OSBPL8: variants seen among roughly 807,000 people sequenced by gnomAD.
OSBPL8 encodes the protein oxysterol-binding protein-related protein 8.
In OSBPL8, 59 loss-of-function variants were observed where a neutral mutation model predicts 125.5. That is an observed-to-expected ratio of 0.47 (90% CI 0.38 to 0.58). The LOEUF (loss-of-function observed/expected upper bound fraction) is 0.58, where lower values mean the gene tolerates loss of function less well. OSBPL8 is among the 20% of genes least tolerant of loss of function. The pLI, the probability that OSBPL8 is intolerant of heterozygous loss-of-function variation, is 0.00. For synonymous variants in OSBPL8, 330 were observed against 338.9 expected (o/e 0.97, Z 0.29); for missense variants, 758 against 1,047.8 (o/e 0.72, Z 3.82).
At chr12:76,405,229 C>T (rs956321153) in intron 5 of OSBPL8, among the ~76,000 whole-genome samples, 7 of 151,962 alleles carry the variant, frequency 4.6e-5, no homozygotes, top group Admixed American at 3.9e-4. Flanking sequence ...GAGGCTAAGG[C>T]GGGAGGATTG....
chr12:76,471,840 C>T (rs910838198), intron 2 of OSBPL8, among the ~76,000 whole-genome samples: 1 of 152,236 alleles, frequency 6.6e-6, no homozygotes, highest in Non-Finnish European at 1.5e-5. Flanking sequence ...TTACTTGTTA[C>T]TCTCACAGCT....
At chr12:76,469,448 T>A (rs1400684458) in intron 2 of OSBPL8, among the ~76,000 whole-genome samples, 2 of 152,188 alleles carry the variant, frequency 1.3e-5, no homozygotes, top group Non-Finnish European at 2.9e-5. Flanking sequence ...GCTCCATGTG[T>A]TCCTAGCAAC....
intron 4 of OSBPL8, among the ~76,000 whole-genome samples, chr12:76,430,307 G>A (rs930620410): frequency 6.6e-6 from 1 of 152,098 alleles, no homozygotes; most frequent in Non-Finnish European, 1.5e-5. Context: ...CAGGTAACAG[G>A]CTCACCAATA....
chr12:76,548,584 C>T (rs188097632), intron 1 of OSBPL8, among the ~76,000 whole-genome samples: 14 of 152,210 alleles, frequency 9.2e-5, no homozygotes, highest in Non-Finnish European at 1.6e-4. Context: ...GAAAGCTAAG[C>T]GGAGGTGTGG....
intron 4 of OSBPL8, among the ~76,000 whole-genome samples, chr12:76,418,499 A>AC (rs1416147448): frequency 2.0e-5 from 3 of 152,096 alleles, no homozygotes; most frequent in Non-Finnish European, 2.9e-5. Context: ...ATCCAGGCTG[A>AC]CTTCCACATT....
chr12:76,499,304 CTCTATCTA>C (rs1555231510), intron 1 of OSBPL8, among the ~76,000 whole-genome samples: 55 of 128,088 alleles, frequency 4.3e-4, no homozygotes, highest in South Asian at 8.2e-4. Flanking sequence ...ACTTAATAAA[CTCTATCTA>C]TCTATCTATC....
intron 12 of OSBPL8, among the ~76,000 whole-genome samples, chr12:76,388,297 G>A (rs2136282310): frequency 6.6e-6 from 1 of 152,276 alleles, no homozygotes; most frequent in East Asian, 1.9e-4. Context: ...ATCAAATGAT[G>A]AATGCATCTA....
chr12:76,437,150 G>A (rs1871557671), intron 4 of OSBPL8, among the ~76,000 whole-genome samples: 1 of 152,130 alleles, frequency 6.6e-6, no homozygotes, highest in African/African-American at 2.4e-5. Flanking sequence ...ATGCGTGAGA[G>A]TATTCCTAGA....
At chr12:76,418,620 C>G (rs1264282392) in intron 4 of OSBPL8, among the ~76,000 whole-genome samples, 1 of 152,094 alleles carries the variant, frequency 6.6e-6, no homozygotes, top group Non-Finnish European at 1.5e-5. Flanking sequence ...CACTTGAAGT[C>G]AGGAGTTCGA....
At chr12:76,444,220 C>A (rs960685591) in intron 4 of OSBPL8, among the ~76,000 whole-genome samples, 1 of 152,104 alleles carries the variant, frequency 6.6e-6, no homozygotes. Flanking sequence ...AGATGAAATT[C>A]TTAAATTGAT....
At chr12:76,545,362 G>A (rs4761425) in intron 1 of OSBPL8, among the ~76,000 whole-genome samples, 121,056 of 152,056 alleles carry the variant, frequency 0.8, 48,421 homozygotes, top group East Asian at 0.92. Flanking sequence ...AAGATACTAG[G>A]AAAAAATTAA....
chr12:76,378,643 C>G, intron 15 of OSBPL8, 93 bp from the exon 16 acceptor site: 1 of 832,740 alleles, frequency 1.2e-6, no homozygotes, highest in Non-Finnish European at 1.9e-6. Flanking sequence ...CAGACATCTA[C>G]AGTAGAAAGT....
intron 19 of OSBPL8, among the ~76,000 whole-genome samples, chr12:76,370,196 C>A (rs966914062): frequency 6.6e-6 from 1 of 152,186 alleles, no homozygotes; most frequent in Non-Finnish European, 1.5e-5. Context: ...TTAAGATTCA[C>A]TGGCTTCATA....
At chr12:76,480,642 G>A (rs1434144174) in intron 2 of OSBPL8, among the ~76,000 whole-genome samples, 1 of 152,174 alleles carries the variant, frequency 6.6e-6, no homozygotes, top group Non-Finnish European at 1.5e-5. Context: ...TACATAAGGA[G>A]ATCCCTGCAA....
At chr12:76,531,263 A>G (rs1385250305) in intron 1 of OSBPL8, among the ~76,000 whole-genome samples, 1 of 152,224 alleles carries the variant, frequency 6.6e-6, no homozygotes, top group East Asian at 1.9e-4. Context: ...ACTTAGCATC[A>G]TAAAACAAGC....
intron 4 of OSBPL8, among the ~76,000 whole-genome samples, chr12:76,418,876 A>G (rs911821507): frequency 6.6e-6 from 1 of 152,068 alleles, no homozygotes; most frequent in African/African-American, 2.4e-5. Context: ...AATGATTACT[A>G]TTTAGATTGA....
At chr12:76,517,638 G>C (rs1881681368) in intron 1 of OSBPL8, among the ~76,000 whole-genome samples, 1 of 152,100 alleles carries the variant, frequency 6.6e-6, no homozygotes, top group African/African-American at 2.4e-5. Context: ...AAATGAGGCT[G>C]GGTAATTTAT....
chr12:76,500,477 A>T (rs1178598434), intron 1 of OSBPL8, among the ~76,000 whole-genome samples: 1 of 152,240 alleles, frequency 6.6e-6, no homozygotes, highest in East Asian at 1.9e-4. Flanking sequence ...TCCAAAGTTC[A>T]TATATCACTT....
intron 1 of OSBPL8, among the ~76,000 whole-genome samples, chr12:76,525,994 T>C (rs1299113182): frequency 6.6e-6 from 1 of 152,226 alleles, no homozygotes; most frequent in Non-Finnish European, 1.5e-5. Flanking sequence ...GTGCTGGAAA[T>C]AGTCTATATC....
Sources: gnomAD v4.1 joint callset for allele counts (sites outside exome capture counted in the v4.1 genomes callset) on GRCh38, gnomAD v4.1.1 for gene constraint, MANE v1.5 for transcripts, NCBI Gene and HGNC (gene_info 2026-07-23, HGNC 2026-07-21) for gene names.